The following TXNDC16 variants were observed in gnomAD, a reference collection of about 807,000 sequenced individuals.
TXNDC16 encodes the protein thioredoxin domain containing 16.
Under a neutral mutation model 85.6 loss-of-function variants are expected in TXNDC16, and 74 were observed. That is an observed-to-expected ratio of 0.86 (90% CI 0.72 to 1.05). The LOEUF (loss-of-function observed/expected upper bound fraction) is 1.05, where lower values mean the gene tolerates loss of function less well. Ranked by LOEUF, TXNDC16 falls within the 50% of genes least tolerant of loss-of-function variation. TXNDC16 has a pLI of 0.00. For synonymous variants in TXNDC16, 335 were observed against 326.5 expected (o/e 1.03, Z -0.28); for missense variants, 959 against 947.0 (o/e 1.01, Z -0.17).
intron 14 of TXNDC16, among the ~76,000 whole-genome samples, 169 bp from the exon 15 acceptor site, chr14:52,470,849 T>C (rs2035890690): frequency 6.6e-6 from 1 of 152,150 alleles, no homozygotes; most frequent in Non-Finnish European, 1.5e-5. Context: ...CTGTTGGCCT[T>C]TTCCCTTCCT....
chr14:52,440,485 G>A (rs2035139087), intron 19 of TXNDC16, 79 bp downstream of exon 19: 1 of 1,221,870 alleles, frequency 8.2e-7, no homozygotes, highest in South Asian at 2.1e-5. Flanking sequence ...AAGAGTTAGA[G>A]AGTTTCGTTT....
At chr14:52,532,073 G>A (rs376208509) in intron 6 of TXNDC16, among the ~76,000 whole-genome samples, 5 of 151,926 alleles carry the variant, frequency 3.3e-5, no homozygotes, top group Admixed American at 3.3e-4. Flanking sequence ...AAATCCAGAA[G>A]TCAAAAAGAA....
chr14:52,500,404 C>G (rs1045246001), intron 9 of TXNDC16, among the ~76,000 whole-genome samples: 2 of 152,120 alleles, frequency 1.3e-5, no homozygotes, highest in Admixed American at 1.3e-4. Context: ...CTACAGTAAT[C>G]AAACTCATAC....
chr14:52,536,304 G>T (rs1160294061), intron 6 of TXNDC16, among the ~76,000 whole-genome samples: 1 of 152,164 alleles, frequency 6.6e-6, no homozygotes, highest in African/African-American at 2.4e-5. Context: ...CCAGTACTTT[G>T]ATCTTGGACG....
At chr14:52,458,286 C>T (rs973666505) in intron 16 of TXNDC16, among the ~76,000 whole-genome samples, 2 of 152,116 alleles carry the variant, frequency 1.3e-5, no homozygotes, top group African/African-American at 2.4e-5. Flanking sequence ...TGGCCAGGTG[C>T]GGTAGCTCAC....
chr14:52,450,476 G>C (rs11848382), intron 18 of TXNDC16, among the ~76,000 whole-genome samples: 1,525 of 147,260 alleles, frequency 0.01, 24 homozygotes, highest in African/African-American at 0.036. Context: ...GCCAAAGCTC[G>C]GGACCCAATG....
chr14:52,518,476 T>G (rs1211055236), intron 7 of TXNDC16, among the ~76,000 whole-genome samples: 1 of 152,176 alleles, frequency 6.6e-6, no homozygotes, highest in African/African-American at 2.4e-5. Flanking sequence ...AGAACCAACC[T>G]TGTCTCCACT....
At chr14:52,450,847 T>C (rs994447179) in intron 18 of TXNDC16, among the ~76,000 whole-genome samples, 9 of 102,150 alleles carry the variant, frequency 8.8e-5, no homozygotes, top group African/African-American at 3.1e-4. Context: ...GATAAGAAAA[T>C]GTGTTTTATA....
chr14:52,508,818 A>G (rs1042922080), intron 9 of TXNDC16, among the ~76,000 whole-genome samples: 10 of 152,122 alleles, frequency 6.6e-5, no homozygotes, highest in Admixed American at 1.3e-4. Context: ...TTGCAAGGAC[A>G]AAAAAACCAA....
Position 52,439,311 on chromosome 14 carries a change from A to T in TXNDC16, c.2087T>A (p.Leu696Gln), listed in dbSNP as rs199628626. The T allele has an allele frequency of 4.0e-5, 65 of 1,614,002 alleles. 1 individual carries two copies. Among genetic ancestry groups the T allele is most frequent in the Non-Finnish European group, 5.1e-5 (60 of 1,180,000 alleles). ...TGCAAATACTTGGCCACCTGAATGC[A>T]GATTCACCAAAACAAGAAGAGGAAG... Reference protein sequence around the residue: ...PPLPLLVLVNLHSGGQVFAFP... With the variant: ...PPLPLLVLVNQHSGGQVFAFP... Residue 696 changes from leucine (L) to glutamine (Q), a missense_variant, in exon 20 of 21, where the codon CTG becomes CAG. Transcript: ENST00000281741.
At chr14:52,539,639 A>T (rs1248412348) in intron 4 of TXNDC16, among the ~76,000 whole-genome samples, 1 of 152,190 alleles carries the variant, frequency 6.6e-6, no homozygotes, top group South Asian at 2.1e-4. Flanking sequence ...TGGTTTCCCC[A>T]ATGAGAAGAG....
chr14:52,508,894 G>A (rs965255698), intron 9 of TXNDC16, among the ~76,000 whole-genome samples: 2 of 152,008 alleles, frequency 1.3e-5, no homozygotes, highest in African/African-American at 4.8e-5. Context: ...ATCACACACC[G>A]GGGCCTGTTG....
intron 6 of TXNDC16, among the ~76,000 whole-genome samples, chr14:52,533,266 G>T (rs28621021): frequency 0.031 from 4,723 of 152,158 alleles, 222 homozygotes; most frequent in African/African-American, 0.11. Flanking sequence ...GACTAGAGCT[G>T]GGTAGCATGA....
At chr14:52,500,372 T>G (rs1009817446) in intron 9 of TXNDC16, among the ~76,000 whole-genome samples, 5 of 152,182 alleles carry the variant, frequency 3.3e-5, no homozygotes, top group African/African-American at 1.2e-4. Context: ...AAATATGGCA[T>G]AACTCAGTGT....
At chr14:52,497,823 G>T (rs2036566323) in intron 9 of TXNDC16, among the ~76,000 whole-genome samples, 1 of 149,514 alleles carries the variant, frequency 6.7e-6, no homozygotes, top group Non-Finnish European at 1.5e-5. Context: ...AGAGGTTGCA[G>T]TGAGCCGAGA....
intron 6 of TXNDC16, among the ~76,000 whole-genome samples, chr14:52,533,852 A>G (rs1375859633): frequency 2.0e-5 from 3 of 152,166 alleles, no homozygotes; most frequent in African/African-American, 7.2e-5. Context: ...CAAAGATAAG[A>G]AAAGCACCTT....
In TXNDC16 at chr14:52,488,346, G is replaced by C. The variant is rs1252316482; in HGVS notation, c.1108+17C>G. On this transcript the variant is annotated intron_variant, in intron 12 of 20. Coordinates refer to ENST00000281741, the MANE Select transcript of TXNDC16 (RefSeq NM_020784.3). The stretch of plus-strand genomic sequence containing the variant: ...GCTGGGCAGGATGGGGAAGGGGTGA[G>C]AATCATAACACATTACCTATATCTG... 1 of 1,611,262 alleles carries C rather than the reference G, an allele frequency of 6.2e-7. No individual in the cohort carries two copies. Among genetic ancestry groups the C allele is most frequent in the Non-Finnish European group, 8.5e-7 (1 of 1,178,586 alleles).
chr14:52,518,060 T>C (rs2037125970), intron 7 of TXNDC16, among the ~76,000 whole-genome samples: 1 of 152,238 alleles, frequency 6.6e-6, no homozygotes, highest in African/African-American at 2.4e-5. Context: ...CAATTGTTCC[T>C]GCTCTCTTCC....
intron 16 of TXNDC16, among the ~76,000 whole-genome samples, chr14:52,461,686 C>G (rs2035656096): frequency 6.6e-6 from 1 of 152,196 alleles, no homozygotes; most frequent in Admixed American, 6.5e-5. Flanking sequence ...TGACCACTCC[C>G]AGCATGGCCA....
Sources: gnomAD v4.1 joint callset for allele counts (sites outside exome capture counted in the v4.1 genomes callset) on GRCh38, gnomAD v4.1.1 for gene constraint, MANE v1.5 for transcripts, NCBI Gene and HGNC (gene_info 2026-07-23, HGNC 2026-07-21) for gene names.